The following FAM118B variants were observed in gnomAD, a reference collection of about 807,000 sequenced individuals.
FAM118B encodes protein FAM118B.
In FAM118B, 24 loss-of-function variants were observed where a neutral mutation model predicts 38.5. The observed-to-expected ratio is 0.62, with a 90% CI of 0.45 to 0.88. The LOEUF (loss-of-function observed/expected upper bound fraction) is 0.88, where lower values mean the gene tolerates loss of function less well. Among genes scored for constraint, FAM118B ranks in the 40% least tolerant of loss-of-function variants. The probability of loss-of-function intolerance (pLI) is 0.00; values close to 1 mark genes in which losing one functional copy is unlikely to be tolerated. For synonymous variants in FAM118B, 138 were observed against 156.3 expected, an observed-to-expected ratio of 0.88 and a Z score of 0.87; for missense variants, 334 against 420.0, an observed-to-expected ratio of 0.80 and a Z score of 1.79.
At chr11:126,216,354 T>G (rs545092662) in intron 1 of FAM118B, among the ~76,000 whole-genome samples, 2 of 151,854 alleles carry the variant, frequency 1.3e-5, no homozygotes, top group South Asian at 2.1e-4. Context: ...CCAGCCTAGG[T>G]GACAGAGCGA....
intron 1 of FAM118B, among the ~76,000 whole-genome samples, chr11:126,216,761 T>C (rs537040810): frequency 3.3e-5 from 5 of 152,356 alleles, no homozygotes; most frequent in Admixed American, 1.3e-4. Flanking sequence ...ACCATACTCA[T>C]TTCCAAAGCA....
intron 1 of FAM118B, among the ~76,000 whole-genome samples, chr11:126,218,300 C>T (rs1950008466): frequency 6.6e-6 from 1 of 152,140 alleles, no homozygotes; most frequent in Non-Finnish European, 1.5e-5. Flanking sequence ...TGTGTCTTCC[C>T]TCAGATATCC....
rs1950724507 is a variant in FAM118B at position 126,262,601 on chromosome 11, T to C, written c.*468T>C. 1 of 158,590 alleles carries C rather than the reference T, an allele frequency of 6.3e-6. No homozygotes were observed. The highest frequency in any genetic ancestry group is 2.0e-4 in the South Asian group (1 of 5,084). The allele number at this position is 158,590 out of a possible 1,614,324, so 9.8% of individuals were successfully genotyped here. ...CTAGTTTTCTAGATCTTTTACAGTG[T>C]ACAGTATTTTACATAACTAAGCTGT... On this transcript the variant is annotated 3_prime_UTR_variant, in exon 9 of 9. Transcript: ENST00000533050.
chr11:126,228,699 A>G (rs1405056189), intron 1 of FAM118B, among the ~76,000 whole-genome samples: 1 of 152,016 alleles, frequency 6.6e-6, no homozygotes, highest in Admixed American at 6.5e-5. Context: ...AGCTGGAATT[A>G]CAGGTGCCCA....
chr11:126,241,212 G>GACCCTACTCAGGACAGTTGTCTTA (rs1950354039), intron 4 of FAM118B, 168 bp downstream of exon 4: 2 of 663,220 alleles, frequency 3.0e-6, no homozygotes, highest in Non-Finnish European at 4.9e-6. Context: ...TCTGTTTATG[G>GACCCTACTCAGGACAGTTGTCTTA]ACCCTACTCA....
chr11:126,238,518 G>T (rs1188751928), intron 3 of FAM118B, among the ~76,000 whole-genome samples: 1 of 152,184 alleles, frequency 6.6e-6, no homozygotes, highest in Non-Finnish European at 1.5e-5. Context: ...GTACAGAGTT[G>T]ATTCCTAGAG....
chr11:126,231,387 G>A (rs1398552539), intron 2 of FAM118B, among the ~76,000 whole-genome samples: 2 of 151,704 alleles, frequency 1.3e-5, no homozygotes, highest in Admixed American at 6.6e-5. Flanking sequence ...ACTGCATTTT[G>A]TTTAGGGTAC....
intron 3 of FAM118B, among the ~76,000 whole-genome samples, chr11:126,239,799 C>G (rs1950331934): frequency 6.6e-6 from 1 of 152,178 alleles, no homozygotes; most frequent in Non-Finnish European, 1.5e-5. Flanking sequence ...CAGGCGTGAG[C>G]CACTGCTCCT....
chr11:126,227,688 A>G (rs1950160948), intron 1 of FAM118B, among the ~76,000 whole-genome samples: 4 of 152,148 alleles, frequency 2.6e-5, no homozygotes, highest in Non-Finnish European at 5.9e-5. Context: ...CATGCTCACA[A>G]TGTGGGGACC....
intron 1 of FAM118B, among the ~76,000 whole-genome samples, chr11:126,214,781 G>A (rs547957820): frequency 6.6e-6 from 1 of 152,004 alleles, no homozygotes; most frequent in Non-Finnish European, 1.5e-5. Context: ...ATATAAAGAA[G>A]AACTTGATAG....
chr11:126,223,045 C>T (rs868085083), intron 1 of FAM118B, among the ~76,000 whole-genome samples: 1 of 117,754 alleles, frequency 8.5e-6, no homozygotes, highest in East Asian at 2.6e-4. Context: ...TGGGGAGGCC[C>T]TTGCAGAATA....
intron 1 of FAM118B, among the ~76,000 whole-genome samples, chr11:126,212,438 C>T (rs939162052): frequency 6.6e-6 from 1 of 152,224 alleles, no homozygotes; most frequent in Non-Finnish European, 1.5e-5. Context: ...CACCATACCT[C>T]CTCTCACGAG....
In FAM118B at chr11:126,235,090, A is replaced by G; in HGVS notation, c.86+3A>G. On this transcript the variant is annotated splice_donor_region_variant and intron_variant, in intron 3 of 8. Coordinates refer to ENST00000533050, the MANE Select transcript of FAM118B (RefSeq NM_024556.4). The stretch of plus-strand genomic sequence containing the variant: ...GAACCTCCCACCAAAAAGCCCAGGT[A>G]AACAAGAGAAGGGAATCAGCAGAGT... The G allele has an allele frequency of 6.2e-7, 1 of 1,613,704 alleles. No individual in the cohort carries two copies.
In FAM118B at chr11:126,262,333, T is replaced by TC. The variant is rs567901514; in HGVS notation, c.*201dup. 62 of 507,972 alleles carry TC rather than the reference T, an allele frequency of 1.2e-4. 2 individuals are homozygous for TC. The South Asian group carries it at 1.3e-3, about 11-fold the overall frequency. 31.5% of individuals were successfully genotyped at this position (507,972 alleles called of 1,614,324 possible). On this transcript the variant is annotated 3_prime_UTR_variant, in exon 9 of 9. Transcript: ENST00000533050. ...TGGTTCTTGATATTCTGCCGCCTGT[T>TC]CAAGTTCAAGAATAAAAGCGACAGC...
At chr11:126,258,891 G>T (rs908988105) in intron 7 of FAM118B, among the ~76,000 whole-genome samples, 1 of 152,196 alleles carries the variant, frequency 6.6e-6, no homozygotes, top group Non-Finnish European at 1.5e-5. Flanking sequence ...AAGCAGTAAG[G>T]TTCCTTAGTG....
chr11:126,229,961 T>C (rs1950187314), intron 2 of FAM118B, among the ~76,000 whole-genome samples: 1 of 152,204 alleles, frequency 6.6e-6, no homozygotes, highest in African/African-American at 2.4e-5. Context: ...TCAGTGACTC[T>C]GTTAAAGCAC....
At chr11:126,229,174 T>C (rs962777332) in intron 1 of FAM118B, 51 bp from the exon 2 acceptor site, 3 of 152,192 alleles carry the variant, frequency 2.0e-5, no homozygotes, top group African/African-American at 4.8e-5. Flanking sequence ...ATGGGAAATA[T>C]CTGATATTTT....
At chr11:126,245,998 A>G (rs551615237) in intron 4 of FAM118B, among the ~76,000 whole-genome samples, 2 of 147,506 alleles carry the variant, frequency 1.4e-5, no homozygotes, top group Admixed American at 6.8e-5. Flanking sequence ...CTCCGTCCCA[A>G]AAAAAAAAAA....
chr11:126,237,617 G>A (rs1327262721), intron 3 of FAM118B, among the ~76,000 whole-genome samples: 13 of 138,938 alleles, frequency 9.4e-5, no homozygotes, highest in East Asian at 8.8e-4. Context: ...TGGGCAGATC[G>A]TGAGGTCAGG....
Sources: gnomAD v4.1 joint callset for allele counts (sites outside exome capture counted in the v4.1 genomes callset) on GRCh38, gnomAD v4.1.1 for gene constraint, MANE v1.5 for transcripts, NCBI Gene and HGNC (gene_info 2026-07-23, HGNC 2026-07-21) for gene names.